The following TRAPPC9 variants were observed in gnomAD, a reference collection of about 807,000 sequenced individuals.
TRAPPC9 encodes the protein trafficking protein particle complex subunit 9, also known as IKK2 binding protein.
Under a neutral mutation model 124.0 loss-of-function variants are expected in TRAPPC9, and 83 were observed. The observed-to-expected ratio is 0.67, with a 90% CI of 0.56 to 0.80. The LOEUF is 0.80. TRAPPC9 is among the 30% of genes least tolerant of loss of function. The pLI is 0.00. For missense variants in TRAPPC9, 1,302 were observed against 1,508.3 expected, an observed-to-expected ratio of 0.86 and a Z score of 2.27; for synonymous variants, 638 against 617.5, an observed-to-expected ratio of 1.03 and a Z score of -0.49.
intron 15 of TRAPPC9, among the ~76,000 whole-genome samples, chr8:140,272,064 AT>A (rs1203460034): frequency 2.3e-4 from 30 of 128,136 alleles, no homozygotes; most frequent in Admixed American, 6.6e-4. Flanking sequence ...TATGGTAGTG[AT>A]GGTGATGATG....
At chr8:139,784,477 G>C (rs1822046751) in intron 21 of TRAPPC9, among the ~76,000 whole-genome samples, 1 of 151,790 alleles carries the variant, frequency 6.6e-6, no homozygotes, top group Non-Finnish European at 1.5e-5. Flanking sequence ...AGGGGGCTGA[G>C]GCAGCAGAAT....
At chr8:140,124,219 A>G (rs555418311) in intron 17 of TRAPPC9, among the ~76,000 whole-genome samples, 2 of 152,356 alleles carry the variant, frequency 1.3e-5, no homozygotes, top group African/African-American at 4.8e-5. Flanking sequence ...GCACACCAGC[A>G]TGTCTCCAGG....
chr8:140,408,448 A>T (rs571735337), intron 5 of TRAPPC9, among the ~76,000 whole-genome samples: 81 of 152,298 alleles, frequency 5.3e-4, no homozygotes, highest in Middle Eastern at 3.4e-3. Context: ...TAAAGCAAAA[A>T]AAAGAAGGAA....
intron 16 of TRAPPC9, among the ~76,000 whole-genome samples, chr8:140,225,271 C>G (rs186811630): frequency 6.6e-6 from 1 of 152,240 alleles, no homozygotes; most frequent in East Asian, 1.9e-4. Flanking sequence ...TGTAAGCCCT[C>G]AGTAAATAGT....
chr8:140,200,142 C>A (rs893487591), intron 17 of TRAPPC9, among the ~76,000 whole-genome samples: 1 of 152,094 alleles, frequency 6.6e-6, no homozygotes, highest in African/African-American at 2.4e-5. Flanking sequence ...ATAAACAAGA[C>A]AGGAAAGCTA....
chr8:139,861,537 C>T (rs528485630), intron 21 of TRAPPC9, among the ~76,000 whole-genome samples: 8 of 151,998 alleles, frequency 5.3e-5, no homozygotes, highest in African/African-American at 7.2e-5. Context: ...AGCAAGGGGG[C>T]GAAGAGAACC....
In TRAPPC9 at chr8:140,113,735, AG is replaced by A. The variant is rs550585894; in HGVS notation, c.2557-89657del. Among the ~76,000 whole-genome samples, 932 of 152,334 alleles carry A rather than the reference AG, an allele frequency of 6.1e-3. 11 individuals carry two copies. Among genetic ancestry groups the A allele is most frequent in the African/African-American group, 0.022 (896 of 41,564 alleles). ...AGTTTTGGGGGATAAGTTCAAGTCC[AG>A]GGAGTCTCCGCAAGCCCATGTGAGT... On this transcript the variant is annotated intron_variant, in intron 17 of 22. Transcript: ENST00000438773.
chr8:139,894,541 G>A (rs1295575531), intron 20 of TRAPPC9, among the ~76,000 whole-genome samples: 1 of 152,146 alleles, frequency 6.6e-6, no homozygotes, highest in East Asian at 1.9e-4. Flanking sequence ...CCCGGGAACT[G>A]GAGTGCCTGC....
intron 19 of TRAPPC9, among the ~76,000 whole-genome samples, chr8:139,917,783 A>C (rs1832247599): frequency 6.6e-6 from 1 of 152,230 alleles, no homozygotes; most frequent in Non-Finnish European, 1.5e-5. Context: ...AGGAGCCAGG[A>C]ACCTGTGGTA....
chr8:140,458,211 CT>C, upstream of TRAPPC9: 1 of 1,550,330 alleles, frequency 6.5e-7, no homozygotes, highest in Non-Finnish European at 8.7e-7. Context: ...AGAACAGAGA[CT>C]AGGAGGAAAG....
intron 21 of TRAPPC9, among the ~76,000 whole-genome samples, chr8:139,842,156 A>G (rs563901736): frequency 5.6e-4 from 85 of 152,312 alleles, no homozygotes; most frequent in African/African-American, 2.0e-3. Flanking sequence ...CTTTTAAAAC[A>G]CTGTCCTGGC....
At chr8:140,173,992 A>T (rs551902287) in intron 17 of TRAPPC9, among the ~76,000 whole-genome samples, 1 of 152,330 alleles carries the variant, frequency 6.6e-6, no homozygotes, top group East Asian at 1.9e-4. Context: ...AGCATGGCAG[A>T]TGACACACGG....
intron 17 of TRAPPC9, among the ~76,000 whole-genome samples, chr8:140,203,176 T>C (rs1342916829): frequency 1.3e-5 from 2 of 152,076 alleles, no homozygotes; most frequent in Non-Finnish European, 2.9e-5. Flanking sequence ...AAACAGAAAA[T>C]GGAATAGCAC....
chr8:139,812,313 G>A (rs1824497654), intron 21 of TRAPPC9, among the ~76,000 whole-genome samples: 1 of 152,196 alleles, frequency 6.6e-6, no homozygotes, highest in Admixed American at 6.5e-5. Context: ...CAGTAAAAAT[G>A]AACAGAAGAA....
At chr8:140,044,226 C>T (rs1841438866) in intron 17 of TRAPPC9, among the ~76,000 whole-genome samples, 1 of 150,810 alleles carries the variant, frequency 6.6e-6, no homozygotes, top group Non-Finnish European at 1.5e-5. Context: ...GGGTGCCCCC[C>T]TGTTCCAGAC....
At chr8:139,787,726 G>A (rs958077296) in intron 21 of TRAPPC9, among the ~76,000 whole-genome samples, 3 of 152,122 alleles carry the variant, frequency 2.0e-5, no homozygotes, top group Non-Finnish European at 2.9e-5. Context: ...GTCCCTGTCC[G>A]GGGTCGGTGC....
chr8:139,961,636 C>T (rs1835377277), intron 19 of TRAPPC9, among the ~76,000 whole-genome samples: 1 of 123,390 alleles, frequency 8.1e-6, no homozygotes, highest in South Asian at 2.7e-4. Context: ...CTGTAGCCTG[C>T]ACCCTTGGGG....
intron 21 of TRAPPC9, among the ~76,000 whole-genome samples, chr8:139,739,077 C>T (rs1194703680): frequency 6.6e-6 from 1 of 152,198 alleles, no homozygotes. Flanking sequence ...CCCTGAGCCT[C>T]AGGCCCGTGC....
intron 20 of TRAPPC9, among the ~76,000 whole-genome samples, chr8:139,895,949 T>G (rs998360228): frequency 2.0e-5 from 3 of 152,250 alleles, no homozygotes; most frequent in Non-Finnish European, 4.4e-5. Flanking sequence ...TGAGAAGCTC[T>G]GCAGTGATTA....
Sources: allele counts gnomAD v4.1 joint callset (sites outside exome capture counted in the v4.1 genomes callset), GRCh38; gene constraint gnomAD v4.1.1; transcripts MANE v1.5; gene names NCBI Gene and HGNC (gene_info 2026-07-23, HGNC 2026-07-21).